COX11: variants seen among roughly 807,000 people sequenced by gnomAD.
The protein encoded by COX11 is cytochrome c oxidase assembly protein COX11, mitochondrial.
In COX11, 18 loss-of-function variants were observed where a neutral mutation model predicts 29.4. That is an observed-to-expected ratio of 0.61 (90% CI 0.42 to 0.91). The LOEUF is 0.91. Ranked by LOEUF, COX11 falls within the 40% of genes least tolerant of loss-of-function variation. The pLI, the probability that COX11 is intolerant of heterozygous loss-of-function variation, is 0.00. For synonymous variants in COX11, 131 were observed against 124.0 expected (o/e 1.06, Z -0.38); for missense variants, 312 against 346.0 (o/e 0.90, Z 0.78).
At chr17:54,959,670 T>A (rs926546076), downstream of COX11, among the ~76,000 whole-genome samples, 1 of 148,092 alleles carries the variant, frequency 6.8e-6, no homozygotes, top group East Asian at 2.0e-4. Flanking sequence ...CAGGCTGGAG[T>A]GCAGTGGCAC....
chr17:54,968,141 T>G, intron 1 of COX11, 140 bp downstream of exon 1: 1 of 1,356,432 alleles, frequency 7.4e-7, no homozygotes, highest in Non-Finnish European at 9.9e-7. Context: ...AGTGACTGTT[T>G]TGAACCTCTC....
At chr17:54,955,317 G>GAGGT (rs1031812866), upstream of COX11, among the ~76,000 whole-genome samples, 1 of 152,178 alleles carries the variant, frequency 6.6e-6, no homozygotes, top group African/African-American at 2.4e-5. Flanking sequence ...AGGTGGTGGG[G>GAGGT]AGGTAGGTAA....
At chr17:54,964,187 G>A (rs946005737) in intron 2 of COX11, among the ~76,000 whole-genome samples, 1 of 152,112 alleles carries the variant, frequency 6.6e-6, no homozygotes, top group Non-Finnish European at 1.5e-5. Context: ...TTAGGAAAGC[G>A]TTTAGGTATA....
upstream of COX11, chr17:54,968,688 G>T (rs77062122): frequency 8.9e-6 from 14 of 1,579,576 alleles, no homozygotes; most frequent in Middle Eastern, 1.7e-4. Context: ...AGGGACGAGA[G>T]GTCAAATCTC....
chr17:54,964,833 G>C lies in COX11; in HGVS notation c.386C>G (p.Ser129Ter). 6.2e-7 allele frequency: 1 copy of C among 1,612,936 alleles called. No homozygotes were observed. Residue 129 changes from serine (S) to a stop codon, truncating the protein, a stop_gained, in exon 2 of 4, where the codon TCA becomes TGA. Transcript: ENST00000299335. LOFTEE classifies it high-confidence loss of function. ...GTCTGAGGCATGACCTGCAACTGCT[G>C]ATCCTCCAAGTCCAGTAGTCTAGAA... The part of the protein sequence containing the change: ...LYCQTTGLGG[S>*]AVAGHASDKI...
At chr17:54,955,913 C>CT (rs1255714069), downstream of COX11, among the ~76,000 whole-genome samples, 1 of 152,160 alleles carries the variant, frequency 6.6e-6, no homozygotes, top group Non-Finnish European at 1.5e-5. Flanking sequence ...CAGTGGACTA[C>CT]ACTAGACACC....
intron 3 of COX11, 171 bp downstream of exon 3, chr17:54,963,135 T>C: frequency 1.2e-6 from 1 of 809,816 alleles, no homozygotes; most frequent in Non-Finnish European, 1.9e-6. Context: ...GATATCCATT[T>C]GGTTTGGTTC....
At chr17:54,967,472 G>A (rs553012200) in intron 1 of COX11, among the ~76,000 whole-genome samples, 4 of 152,266 alleles carry the variant, frequency 2.6e-5, no homozygotes, top group African/African-American at 7.2e-5. Context: ...GAACAAAGGA[G>A]AAATCTCTAA....
chr17:54,961,186 A>T lies in COX11; in HGVS notation c.*1547T>A. On this transcript the variant is annotated 3_prime_UTR_variant, in exon 4 of 4. Coordinates refer to ENST00000299335, the MANE Select transcript of COX11 (RefSeq NM_004375.5). ...ACAAGAGAGTTATCAAGGAATGGGG[A>T]AAGAGAAGGACAGGATGAATACTGG... 4.1e-6 allele frequency: 5 copies of T among 1,232,536 alleles called. No homozygotes were observed. The South Asian group carries it at 5.2e-5, about 13-fold the overall frequency. 76.3% of individuals were successfully genotyped at this position (1,232,536 alleles called of 1,614,324 possible).
rs1312517049 is a variant in COX11, at chr17:54,961,522, C to G, written c.*1211G>C. ...AGGCCAACCAATTTAACTGCAGTGT[C>G]ATGTTTCACAGGCCTTCCTACATTT... On this transcript the variant is annotated 3_prime_UTR_variant, in exon 4 of 4. Coordinates refer to ENST00000299335, the MANE Select transcript of COX11 (RefSeq NM_004375.5). The G allele has an allele frequency of 1.4e-6, 2 of 1,401,718 alleles. No homozygotes were observed. The highest frequency in any genetic ancestry group is 1.8e-6 in the Non-Finnish European group (2 of 1,081,396). 86.8% of individuals were successfully genotyped at this position (1,401,718 alleles called of 1,614,324 possible). A position where few individuals can be genotyped will look rare whatever the true frequency, so the allele number is the denominator to read the frequency against.
intron 2 of COX11, 40 bp downstream of exon 2, chr17:54,964,652 TTTACA>T: frequency 6.5e-7 from 1 of 1,549,766 alleles, no homozygotes; most frequent in African/African-American, 1.4e-5. Flanking sequence ...AAGAAAGGAA[TTTACA>T]TTAATAAAGT....
chr17:54,961,618 T>A lies in COX11; in HGVS notation c.*1115A>T. ...AAATAATTCTGAATAGATGAAAGCA[T>A]AAAATGTGAGAAACTGAATGTATTA... On this transcript the variant is annotated 3_prime_UTR_variant, in exon 4 of 4. Coordinates refer to ENST00000299335, the MANE Select transcript of COX11 (RefSeq NM_004375.5). The A allele has an allele frequency of 8.9e-7, 1 of 1,128,146 alleles. No individual in the cohort carries two copies. The highest frequency in any genetic ancestry group is 3.2e-5 in the South Asian group (1 of 31,466). 69.9% of individuals were successfully genotyped at this position (1,128,146 alleles called of 1,614,324 possible). A position where few individuals can be genotyped will look rare whatever the true frequency, so the allele number is the denominator to read the frequency against.
In COX11 at chr17:54,964,707, G is replaced by C. The variant is rs746866959; in HGVS notation, c.512C>G (p.Thr171Arg). 2.5e-6 allele frequency: 4 copies of C among 1,613,682 alleles called. No individual in the cohort carries two copies. Among genetic ancestry groups the C allele is most frequent in the Admixed American group, 1.7e-5 (1 of 60,008 alleles). Residue 171 changes from threonine to arginine, a missense_variant, in exon 2 of 4, where the codon ACA (threonine) becomes AGA (arginine). Physicochemically the swap from Thr to Arg is moderately conservative, Grantham distance 71. This residue lies in a region of COX11 where 182 missense variants were observed against 240.0 expected (regional missense o/e 0.76). Coordinates refer to ENST00000299335, the MANE Select transcript of COX11 (RefSeq NM_004375.5). ...SLQWNFRPQQ[T>R]EIYVVPGETA... Reference sequence around the variant, plus strand: ...TGGTTAGTCACTTACATATATTTCTGTTTGCTGAGGTCTAAAGTTCCACTG... The same window carrying C: ...TGGTTAGTCACTTACATATATTTCTCTTTGCTGAGGTCTAAAGTTCCACTG...
rs1235043198 is a variant in COX11, at chr17:54,961,404, C to G, written c.*1329G>C. On this transcript the variant is annotated 3_prime_UTR_variant, in exon 4 of 4. Transcript: ENST00000299335. Reference sequence around the variant, plus strand: ...ATAGAATAACAGTTCCAGGATAACACTGATTCCTGACAACAGCGTGAGATT... The same window carrying G: ...ATAGAATAACAGTTCCAGGATAACAGTGATTCCTGACAACAGCGTGAGATT... 1 of 1,538,718 alleles carries G rather than the reference C, an allele frequency of 6.5e-7. No individual in the cohort carries two copies. The highest frequency in any genetic ancestry group is 1.4e-5 in the African/African-American group (1 of 72,416).
intron 2 of COX11, chr17:54,964,404 T>C (rs2077183805): frequency 3.0e-6 from 1 of 330,746 alleles, no homozygotes; most frequent in Non-Finnish European, 5.6e-6. Context: ...CGGTTACTGC[T>C]ACTCCCAACT....
intron 1 of COX11, among the ~76,000 whole-genome samples, chr17:54,966,712 T>C (rs1374382983): frequency 6.6e-6 from 1 of 152,218 alleles, no homozygotes; most frequent in South Asian, 2.1e-4. Flanking sequence ...TTTAACCAAC[T>C]GGTAGTTTTA....
Position 54,962,084 on chromosome 17 carries a change from CTAG to C in COX11, c.*646_*648del, listed in dbSNP as rs2077140479. The stretch of plus-strand genomic sequence containing the variant: ...TAATGGTGATGCTTTGGCTAACAGC[CTAG>C]TAGATGTATTTTATTTCAATTTTAT... On this transcript the variant is annotated 3_prime_UTR_variant, in exon 4 of 4. Coordinates refer to ENST00000299335, the MANE Select transcript of COX11 (RefSeq NM_004375.5). 3.1e-6 allele frequency: 3 copies of C among 973,396 alleles called. No individual in the cohort carries two copies. The highest frequency in any genetic ancestry group is 3.7e-6 in the Non-Finnish European group (3 of 819,032). The allele number at this position is 973,396 out of a possible 1,614,324, so 60.3% of individuals were successfully genotyped here. A position where few individuals can be genotyped will look rare whatever the true frequency, so the allele number is the denominator to read the frequency against.
Position 54,963,301 on chromosome 17 carries a change from T to C in COX11, c.648+5A>G, listed in dbSNP as rs1248930436. 6 of 1,608,450 alleles carry C rather than the reference T, an allele frequency of 3.7e-6. No individual in the cohort carries two copies. In the South Asian group the frequency reaches 6.7e-5, roughly 18 times the overall value. On this transcript the variant is annotated splice_donor_5th_base_variant and intron_variant, in intron 3 of 3. Coordinates refer to ENST00000299335, the MANE Select transcript of COX11 (RefSeq NM_004375.5). ...ATATTCTGTAAAGTTTACACTTTGA[T>C]GTACCTGTATTTTATTGAAATACTG...
chr17:54,968,157 T>C, intron 1 of COX11, 124 bp downstream of exon 1: 1 of 1,439,158 alleles, frequency 6.9e-7, no homozygotes, highest in Non-Finnish European at 9.3e-7. Context: ...CTCTCTCCTC[T>C]TAGGTAGATA....
Sources: allele counts gnomAD v4.1 joint callset (sites outside exome capture counted in the v4.1 genomes callset), GRCh38; gene constraint gnomAD v4.1.1; regional missense constraint gnomAD v4.1.1; transcripts MANE v1.5; gene names NCBI Gene and HGNC (gene_info 2026-07-23, HGNC 2026-07-21).